Variants in NXNL2 observed in about 807,000 individuals in gnomAD.
The protein encoded by NXNL2 is nucleoredoxin-like protein 2.
NXNL2 carries 7 observed loss-of-function variants against 11.1 expected under a neutral mutation model. The ratio of observed to expected loss-of-function variants is 0.63; its 90% confidence interval spans 0.36 to 1.18. The LOEUF is 1.18. NXNL2 is among the 50% of genes most tolerant of loss of function. The pLI is 0.02. For synonymous variants in NXNL2, 109 were observed against 101.8 expected (o/e 1.07, Z -0.42); for missense variants, 233 against 217.7 (o/e 1.07, Z -0.44).
chr9:88,580,177 G>A (rs1213975314), downstream of NXNL2, among the ~76,000 whole-genome samples: 1 of 149,294 alleles, frequency 6.7e-6, no homozygotes, highest in East Asian at 2.0e-4. Context: ...TTTTGAGATG[G>A]AGTTTCACTC....
downstream of NXNL2, among the ~76,000 whole-genome samples, chr9:88,580,157 T>C (rs1403206506): frequency 6.6e-6 from 1 of 150,668 alleles, no homozygotes; most frequent in African/African-American, 2.4e-5. Flanking sequence ...AAAATTCTTT[T>C]TTTTTTTTTT....
intron 1 of NXNL2, among the ~76,000 whole-genome samples, chr9:88,536,453 G>A (rs1368570812): frequency 6.6e-6 from 1 of 151,978 alleles, no homozygotes; most frequent in Non-Finnish European, 1.5e-5. Flanking sequence ...GGGATTGATT[G>A]TTCTGCTTTT....
chr9:88,537,689 G>A (rs576271376), intron 1 of NXNL2, among the ~76,000 whole-genome samples: 1 of 152,176 alleles, frequency 6.6e-6, no homozygotes, highest in Non-Finnish European at 1.5e-5. Flanking sequence ...AGACCAATCC[G>A]GTTTAGCCAT....
At chr9:88,541,550 T>C (rs1378884953) in intron 1 of NXNL2, among the ~76,000 whole-genome samples, 6 of 152,202 alleles carry the variant, frequency 3.9e-5, no homozygotes, top group Non-Finnish European at 8.8e-5. Flanking sequence ...CGTGAGCCAC[T>C]GTGCCCAGGC....
chr9:88,572,367 C>T (rs1049793051), intron 2 of NXNL2, among the ~76,000 whole-genome samples: 1 of 152,088 alleles, frequency 6.6e-6, no homozygotes. Flanking sequence ...CGGCCTCCCA[C>T]CTATAGTAGG....
In NXNL2 at chr9:88,535,327, C is replaced by G. The variant is rs78460940; in HGVS notation, c.-108C>G. The G allele has an allele frequency of 0.13, 151,571 of 1,160,014 alleles. 21,050 individuals are homozygous for G. Among genetic ancestry groups the G allele is most frequent in the East Asian group, 0.74 (29,031 of 39,144 alleles). The allele number at this position is 1,160,014 out of a possible 1,614,324, so 71.9% of individuals were successfully genotyped here. A position where few individuals can be genotyped will look rare whatever the true frequency, so the allele number is the denominator to read the frequency against. On this transcript the variant is annotated 5_prime_UTR_variant, in exon 1 of 2. Coordinates refer to ENST00000375854, the MANE Select transcript of NXNL2 (RefSeq NM_001161625.2). Reference sequence around the variant, plus strand: ...GGCAGGTCTTGAGAGGTCCAGCGCCCGGTGGTGCGGACAGAGGCGGGGCAC... The same window carrying G: ...GGCAGGTCTTGAGAGGTCCAGCGCCGGGTGGTGCGGACAGAGGCGGGGCAC...
exon 3 of NXNL2, chr9:88,575,387 C>T (rs138463849): frequency 0.016 from 2,601 of 157,774 alleles, 68 homozygotes; most frequent in African/African-American, 0.059. Flanking sequence ...ATAAAGAAAA[C>T]GTGGTACATA....
chr9:88,537,611 G>A (rs1212120500), intron 1 of NXNL2, among the ~76,000 whole-genome samples: 2 of 152,182 alleles, frequency 1.3e-5, no homozygotes, highest in Non-Finnish European at 2.9e-5. Flanking sequence ...TTGGAGCTAC[G>A]CCCTAAATTC....
Position 88,535,281 on chromosome 9 carries a change from C to T in NXNL2, c.-154C>T. Reference sequence around the variant, plus strand: ...TGCTCCAGCCACAGGCGAGGCCTGGCCAAGGTGTGGGCGCATCTGGGGCAG... The same window carrying T: ...TGCTCCAGCCACAGGCGAGGCCTGGTCAAGGTGTGGGCGCATCTGGGGCAG... On this transcript the variant is annotated 5_prime_UTR_variant, in exon 1 of 2. Coordinates refer to ENST00000375854, the MANE Select transcript of NXNL2 (RefSeq NM_001161625.2). 1.5e-6 allele frequency: 1 copy of T among 681,554 alleles called. No individual in the cohort carries two copies. Among genetic ancestry groups the T allele is most frequent in the South Asian group, 2.0e-5 (1 of 50,688 alleles). The allele number at this position is 681,554 out of a possible 1,614,324, so 42.2% of individuals were successfully genotyped here. A position where few individuals can be genotyped will look rare whatever the true frequency, so the allele number is the denominator to read the frequency against.
downstream of NXNL2, among the ~76,000 whole-genome samples, chr9:88,577,966 G>A (rs961481266): frequency 2.0e-5 from 3 of 152,252 alleles, no homozygotes; most frequent in Non-Finnish European, 4.4e-5. Flanking sequence ...GGCCCCTGCC[G>A]TTATATTCAG....
downstream of NXNL2, among the ~76,000 whole-genome samples, chr9:88,545,308 G>C (rs141124063): frequency 6.6e-6 from 1 of 152,216 alleles, no homozygotes; most frequent in Admixed American, 6.5e-5. Flanking sequence ...TACTGTCCCA[G>C]CTTCCCCTGT....
intron 1 of NXNL2, among the ~76,000 whole-genome samples, chr9:88,537,741 C>T (rs1194065524): frequency 1.3e-5 from 2 of 152,148 alleles, no homozygotes; most frequent in African/African-American, 2.4e-5. Flanking sequence ...GTTTCCATTG[C>T]CCACAGGACA....
rs908529243 is a variant in NXNL2, at chr9:88,544,581, C to T, written c.*34C>T. 1.3e-6 allele frequency: 2 copies of T among 1,485,802 alleles called. No homozygotes were observed. The highest frequency in any genetic ancestry group is 1.8e-6 in the Non-Finnish European group (2 of 1,113,732). 92.0% of individuals were successfully genotyped at this position (1,485,802 alleles called of 1,614,324 possible). A position where few individuals can be genotyped will look rare whatever the true frequency, so the allele number is the denominator to read the frequency against. On this transcript the variant is annotated 3_prime_UTR_variant, in exon 2 of 2. Coordinates refer to ENST00000375854, the MANE Select transcript of NXNL2 (RefSeq NM_001161625.2). ...GGACCTCAGAGGGCCAGGACAGGTG[C>T]TGCTTCTCCAGCACCGACGCTGGGG...
In NXNL2 at chr9:88,544,766, T is replaced by G; in HGVS notation, c.*219T>G. On this transcript the variant is annotated 3_prime_UTR_variant, in exon 2 of 2. Coordinates refer to ENST00000375854, the MANE Select transcript of NXNL2 (RefSeq NM_001161625.2). The stretch of plus-strand genomic sequence containing the variant: ...GTTTGTATTATAGTTATTTTTGTTA[T>G]TCTTTGCATACCTTTATCCACCTGT... 1.5e-6 allele frequency: 2 copies of G among 1,305,034 alleles called. No homozygotes were observed. The highest frequency in any genetic ancestry group is 1.9e-6 in the Non-Finnish European group (2 of 1,031,158). The allele number at this position is 1,305,034 out of a possible 1,614,324, so 80.8% of individuals were successfully genotyped here. A position where few individuals can be genotyped will look rare whatever the true frequency, so the allele number is the denominator to read the frequency against.
chr9:88,574,322 A>G (rs768317867), intron 2 of NXNL2, among the ~76,000 whole-genome samples: 1 of 152,196 alleles, frequency 6.6e-6, no homozygotes, highest in East Asian at 1.9e-4. Context: ...TATTTTGCCA[A>G]GGTTAAGGAC....
intron 1 of NXNL2, among the ~76,000 whole-genome samples, chr9:88,581,558 C>G (rs569814662): frequency 1.3e-5 from 2 of 152,182 alleles, no homozygotes; most frequent in Non-Finnish European, 2.9e-5. Flanking sequence ...CCGCCTCAGC[C>G]GCCTCAGCCT....
chr9:88,537,467 C>T lies in NXNL2; in HGVS notation c.302+1731C>T, dbSNP rs142793373. Among the ~76,000 whole-genome samples, 1,385 of 152,306 alleles carry T rather than the reference C, an allele frequency of 9.1e-3. 13 individuals are homozygous for T. The highest frequency in any genetic ancestry group is 0.012 in the Non-Finnish European group (815 of 68,022). ...GGTCAGCTGTGTGCTCCTATCTTCT[C>T]AGCCTGGCTGGCCTGGGAGGGATTT... On this transcript the variant is annotated intron_variant, in intron 1 of 1. Transcript: ENST00000375854.
chr9:88,562,578 C>A lies in NXNL2; in HGVS notation c.303-8509C>A, dbSNP rs574684812. 1.5e-4 allele frequency among the ~76,000 whole-genome samples: 23 copies of A among 152,044 alleles called. No homozygotes were observed. The South Asian group carries it at 4.6e-3, about 30-fold the overall frequency. On this transcript the variant is annotated intron_variant, in intron 1 of 2. Coordinates refer to the NXNL2 transcript ENST00000375855. ...GACCAGCCTGGCCAACATGGTGAAA[C>A]CCCATTTCTACTAAAAATACAAAAA...
chr9:88,546,393 A>G (rs1202949361), downstream of NXNL2, among the ~76,000 whole-genome samples: 1 of 137,390 alleles, frequency 7.3e-6, no homozygotes. Context: ...TTGAACCATT[A>G]TTACTCCCTG....
Sources: allele counts gnomAD v4.1 joint callset (sites outside exome capture counted in the v4.1 genomes callset), GRCh38; gene constraint gnomAD v4.1.1; transcripts MANE v1.5; gene names NCBI Gene and HGNC (gene_info 2026-07-23, HGNC 2026-07-21).